STXBP4: variants seen among roughly 807,000 people sequenced by gnomAD.
The protein encoded by STXBP4 is syntaxin-binding protein 4.
STXBP4 carries 55 observed loss-of-function variants against 76.1 expected under a neutral mutation model. That is an observed-to-expected ratio of 0.72 (90% CI 0.58 to 0.91). The LOEUF (loss-of-function observed/expected upper bound fraction) is 0.91, where lower values mean the gene tolerates loss of function less well. Ranked by LOEUF, STXBP4 falls within the 40% of genes least tolerant of loss-of-function variation. STXBP4 has a pLI of 0.00. For synonymous variants in STXBP4, 201 were observed against 220.2 expected (o/e 0.91, Z 0.77); for missense variants, 618 against 636.9 (o/e 0.97, Z 0.32).
chr17:55,201,410 G>A, the STXBP4 span, among the ~76,000 whole-genome samples: 6 of 152,132 alleles, frequency 3.9e-5, no homozygotes, highest in East Asian at 1.2e-3. Context: ...GAAAGCAGGG[G>A]AGAGGAGGGG....
chr17:55,018,098 T>C (rs1234311147), intron 8 of STXBP4, among the ~76,000 whole-genome samples: 1 of 152,124 alleles, frequency 6.6e-6, no homozygotes, highest in Admixed American at 6.5e-5. Context: ...CTTGGCCTCA[T>C]GGATTCCAAG....
At chr17:54,987,330 A>G (rs2077640699) in intron 3 of STXBP4, among the ~76,000 whole-genome samples, 1 of 152,176 alleles carries the variant, frequency 6.6e-6, no homozygotes, top group Non-Finnish European at 1.5e-5. Flanking sequence ...AAGCCAATGC[A>G]TATATATAAA....
At chr17:55,055,948 T>C (rs1041435244) in intron 12 of STXBP4, among the ~76,000 whole-genome samples, 4 of 152,230 alleles carry the variant, frequency 2.6e-5, no homozygotes, top group African/African-American at 7.2e-5. Context: ...TGATTTATCT[T>C]ACAACAATAG....
At chr17:55,185,344 CCTCCTT>C in the STXBP4 span, among the ~76,000 whole-genome samples, 1 of 141,778 alleles carries the variant, frequency 7.1e-6, no homozygotes, top group African/African-American at 2.7e-5. Flanking sequence ...TCCTCCTCCT[CCTCCTT>C]CTCCTCCTCC....
Position 55,034,237 on chromosome 17 carries a change from T to C in STXBP4, c.833T>C (p.Ile278Thr). The change falls in exon 10 of 18, where the codon ATT becomes ACT. Residue 278 changes from isoleucine (I) to threonine (T), a missense_variant. Coordinates refer to ENST00000376352, the MANE Select transcript of STXBP4 (RefSeq NM_178509.6). Reference protein sequence around the residue: ...LDEVNVGAHEISNILDSQLLP... With the variant: ...LDEVNVGAHETSNILDSQLLP... ...GAAGTAAATGTTGGTGCACATGAAA[T>C]TTCCAATATATTAGATTCACAGGTA... 1 of 1,611,886 alleles carries C rather than the reference T, an allele frequency of 6.2e-7. No individual in the cohort carries two copies. Among genetic ancestry groups the C allele is most frequent in the South Asian group, 1.1e-5 (1 of 90,752 alleles).
Position 55,031,280 on chromosome 17 carries a change from T to C in STXBP4, c.763+16T>C. On this transcript the variant is annotated intron_variant, in intron 9 of 17. Coordinates refer to ENST00000376352, the MANE Select transcript of STXBP4 (RefSeq NM_178509.6). ...TCTTTTGGAGGTAATATTAGGTTTA[T>C]TGTGTTGTATTATCACTGAATCATC... is the stretch of plus-strand genomic sequence containing the variant. 1 of 1,548,548 alleles carries C rather than the reference T, an allele frequency of 6.5e-7. No individual in the cohort carries two copies. Among genetic ancestry groups the C allele is most frequent in the Non-Finnish European group, 8.9e-7 (1 of 1,121,872 alleles).
chr17:55,069,361 C>T (rs541307498), intron 12 of STXBP4, among the ~76,000 whole-genome samples: 38 of 152,138 alleles, frequency 2.5e-4, no homozygotes, highest in East Asian at 5.8e-4. Flanking sequence ...AGTAAATGGA[C>T]GACAGCATTT....
chr17:55,002,857 C>T (rs2077943113), intron 7 of STXBP4, among the ~76,000 whole-genome samples: 2 of 152,264 alleles, frequency 1.3e-5, no homozygotes, highest in South Asian at 4.1e-4. Context: ...GTAATTAGTG[C>T]ATAGTATATG....
chr17:55,190,810 C>A, the STXBP4 span, among the ~76,000 whole-genome samples: 1 of 152,080 alleles, frequency 6.6e-6, no homozygotes, highest in African/African-American at 2.4e-5. Flanking sequence ...TAATGTAATA[C>A]AGTGATGCCC....
chr17:55,134,296 CT>C (rs1002659140), intron 16 of STXBP4, among the ~76,000 whole-genome samples: 12 of 149,514 alleles, frequency 8.0e-5, no homozygotes, highest in East Asian at 3.9e-4. Context: ...TACTGAAAGG[CT>C]TTTTTTTTAA....
At chr17:55,032,778 C>T (rs1012868695) in intron 9 of STXBP4, among the ~76,000 whole-genome samples, 5 of 152,090 alleles carry the variant, frequency 3.3e-5, no homozygotes, top group Admixed American at 6.6e-5. Flanking sequence ...GCTCAGGGAA[C>T]TTTGCTGCCA....
chr17:55,111,155 T>G (rs1452651323), intron 16 of STXBP4, among the ~76,000 whole-genome samples: 3 of 152,096 alleles, frequency 2.0e-5, no homozygotes, highest in Admixed American at 2.0e-4. Context: ...TACAGTCTAT[T>G]CTCTAGTAGC....
chr17:55,018,216 G>A (rs1394571279), intron 8 of STXBP4, among the ~76,000 whole-genome samples: 3 of 152,146 alleles, frequency 2.0e-5, no homozygotes, highest in East Asian at 1.9e-4. Flanking sequence ...CGATTAGGAC[G>A]CACCCGGGCG....
chr17:55,081,324 A>G (rs957795809), intron 16 of STXBP4, 141 bp downstream of exon 16: 21 of 562,724 alleles, frequency 3.7e-5, no homozygotes, highest in African/African-American at 3.5e-4. Context: ...TGTACCAATC[A>G]TAGGAGGAGA....
the STXBP4 span, among the ~76,000 whole-genome samples, chr17:55,200,173 C>T: frequency 6.6e-6 from 1 of 152,138 alleles, no homozygotes; most frequent in Admixed American, 6.5e-5. Flanking sequence ...CTTAAGTTAC[C>T]TTTGTTCATC....
intron 17 of STXBP4, among the ~76,000 whole-genome samples, chr17:55,149,111 G>A (rs944310244): frequency 1.3e-5 from 2 of 152,198 alleles, no homozygotes; most frequent in Non-Finnish European, 2.9e-5. Context: ...CTTAAAAGAT[G>A]AAATATGGAC....
intron 1 of STXBP4, among the ~76,000 whole-genome samples, chr17:54,971,706 T>C (rs1005107454): frequency 3.3e-5 from 5 of 152,238 alleles, no homozygotes; most frequent in African/African-American, 1.2e-4. Context: ...GGATTACTCG[T>C]TGATTTTAGT....
the STXBP4 span, among the ~76,000 whole-genome samples, chr17:55,182,470 G>C: frequency 6.6e-6 from 1 of 152,012 alleles, no homozygotes; most frequent in African/African-American, 2.4e-5. Context: ...AGAATATGAA[G>C]TACAATGAGA....
At chr17:55,212,423 G>A in the STXBP4 span, among the ~76,000 whole-genome samples, 3 of 152,140 alleles carry the variant, frequency 2.0e-5, no homozygotes, top group South Asian at 2.1e-4. Context: ...GATTATAAGC[G>A]CTAAAAATTA....
Sources: gnomAD v4.1 joint callset for allele counts (sites outside exome capture counted in the v4.1 genomes callset) on GRCh38, gnomAD v4.1.1 for gene constraint, MANE v1.5 for transcripts, NCBI Gene and HGNC (gene_info 2026-07-23, HGNC 2026-07-21) for gene names.